The following COQ3 variants were observed in gnomAD, a reference collection of about 807,000 sequenced individuals.
COQ3 encodes the protein ubiquinone biosynthesis O-methyltransferase, mitochondrial.
A neutral mutation model predicts 33.1 loss-of-function variants in COQ3; 29 were observed. The observed-to-expected ratio is 0.88, with a 90% confidence interval of 0.65 to 1.19. The LOEUF (loss-of-function observed/expected upper bound fraction) is 1.19, where lower values mean the gene tolerates loss of function less well. Ranked by LOEUF, COQ3 falls within the 50% of genes most tolerant of loss-of-function variation. The pLI, the probability that COQ3 is intolerant of heterozygous loss-of-function variation, is 0.00. For missense variants in COQ3, 437 were observed against 430.7 expected (o/e 1.01, Z -0.13); for synonymous variants, 173 against 157.8 (o/e 1.10, Z -0.72).
Position 99,380,198 on chromosome 6 carries a change from G to A in COQ3, c.377C>T (p.Pro126Leu), listed in dbSNP as rs1372851905. 6.2e-7 allele frequency: 1 copy of A among 1,613,020 alleles called. No homozygotes were observed. The highest frequency in any genetic ancestry group is 1.1e-5 in the South Asian group (1 of 90,952). ...PLHSMNDLRV[P>L]FIRDNLLKTI... ...GTTTCTGGAGTGTTACCTAATAAAT[G>A]GCACCCTCAGGTCATTCATGGAATG... The change falls in exon 3 of 7, where the codon CCA becomes CTA. Residue 126 changes from proline (P) to leucine (L), a missense_variant. Transcript: ENST00000254759.
rs758134107 is a variant in COQ3 at position 99,394,142 on chromosome 6, C to CA, written c.37dup (p.Trp13LeufsTer12). 1 of 1,609,168 alleles carries CA rather than the reference C, an allele frequency of 6.2e-7. No individual in the cohort carries two copies. The highest frequency in any genetic ancestry group is 8.5e-7 in the Non-Finnish European group (1 of 1,177,586). Reference sequence around the variant, plus strand: ...TCCAGGCCCCAGCACTCTTAAAAACCAACCCCCGGAGGAGCCCAGCTTACG... The same window carrying CA: ...TCCAGGCCCCAGCACTCTTAAAAACCAAACCCCCGGAGGAGCCCAGCTTACG... On this transcript the variant is annotated frameshift_variant, in exon 1 of 7. Transcript: ENST00000254759. LOFTEE classifies it high-confidence loss of function.
chr6:99,374,928 A>G (rs1052363261), intron 5 of COQ3, among the ~76,000 whole-genome samples: 14 of 152,070 alleles, frequency 9.2e-5, no homozygotes, highest in Non-Finnish European at 4.4e-5. Context: ...ATTTAATTAA[A>G]CTTATGCTAA....
intron 1 of COQ3, among the ~76,000 whole-genome samples, chr6:99,391,117 G>T (rs1582735208): frequency 1.2e-5 from 1 of 81,532 alleles, no homozygotes; most frequent in African/African-American, 4.1e-5. Flanking sequence ...ATTTATTTAT[G>T]AGACAGGGTC....
intron 3 of COQ3, among the ~76,000 whole-genome samples, chr6:99,379,691 C>T (rs1273392740): frequency 3.9e-5 from 6 of 151,992 alleles, no homozygotes; most frequent in Non-Finnish European, 8.8e-5. Context: ...CCTGTCTCTA[C>T]TAAAAATACA....
At chr6:99,375,424 C>A (rs904273624) in intron 5 of COQ3, among the ~76,000 whole-genome samples, 2 of 150,178 alleles carry the variant, frequency 1.3e-5, no homozygotes, top group African/African-American at 4.9e-5. Context: ...CACTCTGTTG[C>A]CCAGGCTGGA....
chr6:99,374,775 T>A (rs1562202419), intron 5 of COQ3, among the ~76,000 whole-genome samples: 1 of 152,174 alleles, frequency 6.6e-6, no homozygotes, highest in Non-Finnish European at 1.5e-5. Flanking sequence ...TCCTGAGTCC[T>A]CGTAGGTGAA....
rs1229174806 is a variant in COQ3 at position 99,389,970 on chromosome 6, C to G, written c.106+4104G>C. Among the ~76,000 whole-genome samples the G allele has an allele frequency of 3.3e-5, 5 of 152,186 alleles. No homozygotes were observed. The East Asian group carries it at 7.8e-4, about 24-fold the overall frequency. On this transcript the variant is annotated intron_variant, in intron 1 of 6. Transcript: ENST00000254759. ...CTCTACTAAAAATACAAAAATTAGC[C>G]AGGCGTGGTGGGGTGCGCCTGTAGT...
intron 1 of COQ3, among the ~76,000 whole-genome samples, chr6:99,391,940 C>T (rs1237287457): frequency 6.6e-6 from 1 of 151,670 alleles, no homozygotes; most frequent in Non-Finnish European, 1.5e-5. Flanking sequence ...CCAAGGCTGC[C>T]GTGAACTGTG....
At chr6:99,377,334 ACTT>A in intron 4 of COQ3, 49 bp downstream of exon 4, 6 of 1,238,574 alleles carry the variant, frequency 4.8e-6, no homozygotes, top group Non-Finnish European at 7.1e-6. Context: ...GCACAAGTCT[ACTT>A]CTTAATTTTT....
Position 99,394,099 on chromosome 6 carries a change from A to C in COQ3, c.81T>G (p.Ala27=). Residue 27 remains alanine, a synonymous_variant, in exon 1 of 7, where the codon GCT becomes GCG. Coordinates refer to ENST00000254759, the MANE Select transcript of COQ3 (RefSeq NM_017421.4). ...VLGPGGCNTK[A]ARPLISSAVY... ...CCGCCGAGGAAATTAAGGGACGCGC[A>C]GCTTTTGTATTACAGCCTCCAGGCC... The C allele has an allele frequency of 6.2e-7, 1 of 1,613,898 alleles. No individual in the cohort carries two copies.
At chr6:99,378,229 CATA>C (rs1158485507) in intron 3 of COQ3, among the ~76,000 whole-genome samples, 5 of 141,994 alleles carry the variant, frequency 3.5e-5, no homozygotes, top group African/African-American at 5.2e-5. Flanking sequence ...AAATATTATT[CATA>C]ATGAGGATAT....
chr6:99,391,033 T>A (rs576155868), intron 1 of COQ3, among the ~76,000 whole-genome samples: 1 of 152,134 alleles, frequency 6.6e-6, no homozygotes, highest in African/African-American at 2.4e-5. Flanking sequence ...CCCATTACAA[T>A]GTTCTTTTTT....
intron 5 of COQ3, 121 bp from the exon 6 acceptor site, chr6:99,371,708 T>G: frequency 1.5e-6 from 1 of 663,692 alleles, no homozygotes. Flanking sequence ...TTAAAATATA[T>G]ATGTACGCAT....
intron 1 of COQ3, among the ~76,000 whole-genome samples, chr6:99,388,158 C>T (rs960078258): frequency 1.3e-5 from 2 of 151,520 alleles, no homozygotes; most frequent in African/African-American, 2.4e-5. Context: ...AAGCGAAACT[C>T]CATCTCCAAA....
chr6:99,375,947 A>G lies in COQ3; in HGVS notation c.722T>C (p.Val241Ala), dbSNP rs992171205. 1.4e-5 allele frequency: 23 copies of G among 1,613,866 alleles called. No individual in the cohort carries two copies. Among genetic ancestry groups the G allele is most frequent in the African/African-American group, 2.7e-5 (2 of 74,934 alleles). Reference protein sequence around the residue: ...LETFLQCCCQVLKPGGSLFIT... With the variant: ...LETFLQCCCQALKPGGSLFIT... The stretch of plus-strand genomic sequence containing the variant: ...AAACTCCATAAGCCTTACTTTTAAC[A>G]CTTGACAGCAGCACTGTAAAAATGT... Residue 241 changes from valine to alanine, a missense_variant, in exon 5 of 7, where the codon GTG becomes GCG. Physicochemically the swap from Val to Ala is moderately conservative, Grantham distance 64 (BLOSUM62 0). Coordinates refer to ENST00000254759, the MANE Select transcript of COQ3 (RefSeq NM_017421.4).
intron 1 of COQ3, among the ~76,000 whole-genome samples, chr6:99,391,579 G>A (rs1167393978): frequency 8.6e-6 from 1 of 116,656 alleles, no homozygotes; most frequent in African/African-American, 3.1e-5. Flanking sequence ...ATGAAACTAA[G>A]CCTTAGAAAT....
intron 3 of COQ3, among the ~76,000 whole-genome samples, 187 bp downstream of exon 3, chr6:99,380,002 C>T (rs140200973): frequency 5.1e-4 from 78 of 152,182 alleles, no homozygotes; most frequent in African/African-American, 1.8e-3. Flanking sequence ...GCAGCCTTGA[C>T]CTTGCATGAT....
At position 99,369,959 on chromosome 6, in the gene COQ3, C is replaced by T. The variant is rs572180200; in HGVS notation, c.890-139G>A. 320 of 623,942 alleles carry T rather than the reference C, an allele frequency of 5.1e-4. 2 individuals are homozygous for T. The highest frequency in any genetic ancestry group is 1.4e-3 in the South Asian group (69 of 49,000). 38.7% of individuals were successfully genotyped at this position (623,942 alleles called of 1,614,324 possible). A position where few individuals can be genotyped will look rare whatever the true frequency, so the allele number is the denominator to read the frequency against. On this transcript the variant is annotated intron_variant, in intron 6 of 6. Transcript: ENST00000254759. ...GGAAAAGAAGAAAAAAAAAGGATTCCTAACTTAATGGGCAAGCGTATTTTG... is the reference window on the plus strand; with the variant it reads ...GGAAAAGAAGAAAAAAAAAGGATTCTTAACTTAATGGGCAAGCGTATTTTG...
chr6:99,383,763 G>T lies in COQ3; in HGVS notation c.168C>A (p.Tyr56Ter). ...LQIKPGVFNEYRTIWFKSYRT... is the reference protein window; with the variant it reads ...LQIKPGVFNE ...TGTAGGATTTGAACCATATGGTTCT[G>T]TATTCATTGAAAACCCCTGGTTTAA... Residue 56 changes from tyrosine (Y) to a stop codon, truncating the protein, a stop_gained, in exon 2 of 7, where the codon TAC becomes TAA. Transcript: ENST00000254759. LOFTEE classifies it high-confidence loss of function. 1 of 1,599,368 alleles carries T rather than the reference G, an allele frequency of 6.3e-7. No individual in the cohort carries two copies. Among genetic ancestry groups the T allele is most frequent in the Non-Finnish European group, 8.5e-7 (1 of 1,172,206 alleles).
Sources: allele counts gnomAD v4.1 joint callset (sites outside exome capture counted in the v4.1 genomes callset), GRCh38; gene constraint gnomAD v4.1.1; transcripts MANE v1.5; gene names NCBI Gene and HGNC (gene_info 2026-07-23, HGNC 2026-07-21).